Variants in ST8SIA1 observed in about 807,000 individuals in gnomAD.
ST8SIA1 encodes alpha-N-acetylneuraminide alpha-2,8-sialyltransferase.
In ST8SIA1, 16 loss-of-function variants were observed where a neutral mutation model predicts 35.9. The ratio of observed to expected loss-of-function variants is 0.45; its 90% CI spans 0.30 to 0.68. ST8SIA1 has a LOEUF of 0.68. ST8SIA1 is among the 30% of genes least tolerant of loss of function. The probability of loss-of-function intolerance (pLI) is 0.09; values close to 1 mark genes in which losing one functional copy is unlikely to be tolerated. For synonymous variants in ST8SIA1, 170 were observed against 169.6 expected, an observed-to-expected ratio of 1.00 and a Z score of -0.02; for missense variants, 383 against 453.6, an observed-to-expected ratio of 0.84 and a Z score of 1.41.
At position 22,334,452 on chromosome 12, in the gene ST8SIA1, G is replaced by T. The variant is rs999018603; in HGVS notation, c.-220C>A. ...CAAGGATTTCTTTCTAGGGGAAGTG[G>T]CTGGGGGTGAAGTCACGATCTATGG... On this transcript the variant is annotated 5_prime_UTR_variant, in exon 1 of 5. Coordinates refer to ENST00000396037, the MANE Select transcript of ST8SIA1 (RefSeq NM_003034.4). 13 of 589,850 alleles carry T rather than the reference G, an allele frequency of 2.2e-5. No individual in the cohort carries two copies. The highest frequency in any genetic ancestry group is 3.3e-5 in the Non-Finnish European group (11 of 331,098). 36.5% of individuals were successfully genotyped at this position (589,850 alleles called of 1,614,324 possible).
chr12:22,210,936 C>G (rs1865169343), intron 4 of ST8SIA1, among the ~76,000 whole-genome samples: 1 of 152,122 alleles, frequency 6.6e-6, no homozygotes, highest in South Asian at 2.1e-4. Flanking sequence ...AAGCTGTAAC[C>G]AATCGTGCTG....
chr12:22,320,975 G>T (rs1866584759), intron 1 of ST8SIA1, among the ~76,000 whole-genome samples: 1 of 86,376 alleles, frequency 1.2e-5, no homozygotes, highest in Admixed American at 1.1e-4. Context: ...AAGAAAGAAA[G>T]AAAGAAAGAA....
At chr12:22,215,622 C>T (rs1481077427) in intron 4 of ST8SIA1, among the ~76,000 whole-genome samples, 1 of 151,522 alleles carries the variant, frequency 6.6e-6, no homozygotes, top group African/African-American at 2.4e-5. Flanking sequence ...GCATCTCAAA[C>T]TCACAACTTT....
chr12:22,302,092 A>G (rs1243701339), intron 1 of ST8SIA1, among the ~76,000 whole-genome samples: 1 of 152,188 alleles, frequency 6.6e-6, no homozygotes, highest in Non-Finnish European at 1.5e-5. Context: ...CAGAAAAATT[A>G]TGTTTCAAAA....
rs965191645 is a variant in ST8SIA1 at position 22,242,025 on chromosome 12, GCCT to G, written c.584+6978_584+6980del. Among the ~76,000 whole-genome samples, 145 of 152,118 alleles carry G rather than the reference GCCT, an allele frequency of 9.5e-4. 1 individual carries two copies. The highest frequency in any genetic ancestry group is 6.3e-4 in the Non-Finnish European group (43 of 67,992). ...TTTCTATTTCATAAAAGAAAGTCAT[GCCT>G]CCTATTATCCCAAATATTATAATGA... is the stretch of plus-strand genomic sequence containing the variant. On this transcript the variant is annotated intron_variant, in intron 4 of 4. Coordinates refer to ENST00000396037, the MANE Select transcript of ST8SIA1 (RefSeq NM_003034.4).
chr12:22,213,664 G>A (rs1348818404), intron 4 of ST8SIA1, among the ~76,000 whole-genome samples: 2 of 152,158 alleles, frequency 1.3e-5, no homozygotes, highest in Admixed American at 6.5e-5. Flanking sequence ...GAGAGCCTTG[G>A]GAGCAGCTAG....
chr12:22,274,595 G>T lies in ST8SIA1; in HGVS notation c.381+12554C>A, dbSNP rs1051341218. On this transcript the variant is annotated intron_variant, in intron 2 of 4. Transcript: ENST00000396037. ...ACTACATGCCCAGAACCAATATTGT[G>T]GCTTGACTTTTAAAATGTACGATCT... Among the ~76,000 whole-genome samples the T allele has an allele frequency of 2.0e-5, 3 of 152,166 alleles. No homozygotes were observed. The South Asian group carries it at 6.2e-4, about 31-fold the overall frequency.
At chr12:22,217,099 A>G (rs1359447688) in intron 4 of ST8SIA1, among the ~76,000 whole-genome samples, 2 of 152,150 alleles carry the variant, frequency 1.3e-5, no homozygotes, top group Non-Finnish European at 2.9e-5. Context: ...CTTTCCACAA[A>G]TCACACAACC....
At chr12:22,329,116 A>G (rs1222154532) in intron 1 of ST8SIA1, among the ~76,000 whole-genome samples, 1 of 152,208 alleles carries the variant, frequency 6.6e-6, no homozygotes, top group Non-Finnish European at 1.5e-5. Flanking sequence ...ATAAAAAGAA[A>G]AACTGATGAA....
chr12:22,325,603 C>T (rs1400450257), intron 1 of ST8SIA1: 1 of 651,980 alleles, frequency 1.5e-6, no homozygotes, highest in African/African-American at 1.8e-5. Context: ...GGAATCTCCT[C>T]TTATCTGTGG....
chr12:22,265,234 G>A (rs1865833508), intron 2 of ST8SIA1, among the ~76,000 whole-genome samples: 1 of 152,214 alleles, frequency 6.6e-6, no homozygotes, highest in African/African-American at 2.4e-5. Flanking sequence ...ATGATGGAAA[G>A]GGAAGGAAAT....
At chr12:22,317,481 G>A (rs1213280278) in intron 1 of ST8SIA1, among the ~76,000 whole-genome samples, 3 of 152,150 alleles carry the variant, frequency 2.0e-5, no homozygotes, top group African/African-American at 4.8e-5. Context: ...TGCGGTCATC[G>A]GAAGCTAAAG....
intron 4 of ST8SIA1, among the ~76,000 whole-genome samples, chr12:22,231,488 A>C (rs1264973733): frequency 6.6e-6 from 1 of 152,140 alleles, no homozygotes; most frequent in African/African-American, 2.4e-5. Flanking sequence ...TGGCTAGAAT[A>C]AAGAAGCATA....
intron 3 of ST8SIA1, among the ~76,000 whole-genome samples, chr12:22,250,469 T>A (rs1417671687): frequency 3.9e-5 from 6 of 152,204 alleles, no homozygotes; most frequent in African/African-American, 7.2e-5. Flanking sequence ...ATAGTTTCCA[T>A]TATGCTTTCT....
intron 2 of ST8SIA1, among the ~76,000 whole-genome samples, chr12:22,263,902 C>A (rs1865818395): frequency 6.6e-6 from 1 of 152,192 alleles, no homozygotes; most frequent in Non-Finnish European, 1.5e-5. Context: ...GTCTGAAAGG[C>A]TGTCACTACA....
At chr12:22,320,453 A>T (rs1866572210) in intron 1 of ST8SIA1, among the ~76,000 whole-genome samples, 1 of 152,176 alleles carries the variant, frequency 6.6e-6, no homozygotes, top group Non-Finnish European at 1.5e-5. Flanking sequence ...TTTTGTGGTG[A>T]GGCCACAGCC....
At chr12:22,284,226 T>C (rs527809889) in intron 2 of ST8SIA1, among the ~76,000 whole-genome samples, 61 of 152,228 alleles carry the variant, frequency 4.0e-4, no homozygotes, top group Non-Finnish European at 8.2e-4. Context: ...GGCTAACATA[T>C]ACGGAGTATT....
rs1865006558 is a variant in ST8SIA1, at chr12:22,197,834, C to G, written c.*3718G>C. 6.6e-6 allele frequency: 1 copy of G among 152,112 alleles called. No individual in the cohort carries two copies. Among genetic ancestry groups the G allele is most frequent in the Non-Finnish European group, 1.5e-5 (1 of 68,028 alleles). 9.4% of individuals were successfully genotyped at this position (152,112 alleles called of 1,614,324 possible). ...GCCATTTGAGATCATTTACTTCCTA[C>G]CCTTGTGAAGACAGATAAAAGTGAA... On this transcript the variant is annotated 3_prime_UTR_variant, in exon 5 of 5. Transcript: ENST00000396037.
intron 2 of ST8SIA1, chr12:22,286,427 G>A (rs886583633): frequency 9.6e-6 from 5 of 518,330 alleles, no homozygotes; most frequent in African/African-American, 7.7e-5. Flanking sequence ...AGCAAACCAA[G>A]GGTGGCTAAA....
Sources: allele counts gnomAD v4.1 joint callset (sites outside exome capture counted in the v4.1 genomes callset), GRCh38; gene constraint gnomAD v4.1.1; transcripts MANE v1.5; gene names NCBI Gene and HGNC (gene_info 2026-07-23, HGNC 2026-07-21).